The following SCLT1 variants were observed in gnomAD, a reference collection of about 807,000 sequenced individuals.
SCLT1 encodes the protein sodium channel and clathrin linker 1, also known as sodium channel-associated protein 1.
In SCLT1, 78 loss-of-function variants were observed where a neutral mutation model predicts 112.8. The observed-to-expected ratio is 0.69, with a 90% confidence interval of 0.58 to 0.83. The LOEUF is 0.83. SCLT1 is among the 40% of genes least tolerant of loss of function. The pLI is 0.00. For missense variants in SCLT1, 747 were observed against 770.4 expected (o/e 0.97, Z 0.36); for synonymous variants, 257 against 254.7 (o/e 1.01, Z -0.09).
At chr4:129,067,951 T>C (rs1392552889) in intron 2 of SCLT1, among the ~76,000 whole-genome samples, 1 of 152,046 alleles carries the variant, frequency 6.6e-6, no homozygotes, top group East Asian at 1.9e-4. Context: ...ACCCGAGCAG[T>C]ATACACTGCA....
intron 8 of SCLT1, among the ~76,000 whole-genome samples, chr4:128,992,717 G>A (rs763571013): frequency 1.3e-5 from 2 of 151,864 alleles, no homozygotes; most frequent in Non-Finnish European, 2.9e-5. Flanking sequence ...GCCCTTTATT[G>A]GCTGTCTTCT....
At chr4:129,046,389 T>C (rs1748184395) in intron 2 of SCLT1, among the ~76,000 whole-genome samples, 1 of 152,086 alleles carries the variant, frequency 6.6e-6, no homozygotes, top group South Asian at 2.1e-4. Context: ...CAGGAAATCA[T>C]TTTCCCTATT....
chr4:129,026,285 A>T (rs1420630286), intron 5 of SCLT1, among the ~76,000 whole-genome samples: 2 of 152,180 alleles, frequency 1.3e-5, no homozygotes, highest in African/African-American at 4.8e-5. Flanking sequence ...TCCAAAATTG[A>T]CCACATACTG....
chr4:128,927,970 A>T (rs766128652), intron 18 of SCLT1, among the ~76,000 whole-genome samples: 33 of 152,076 alleles, frequency 2.2e-4, no homozygotes, highest in Non-Finnish European at 4.6e-4. Context: ...TATGAAAAAC[A>T]TCCAAAAATA....
chr4:128,978,990 C>A (rs1161127613), intron 9 of SCLT1, among the ~76,000 whole-genome samples: 1 of 151,980 alleles, frequency 6.6e-6, no homozygotes, highest in Non-Finnish European at 1.5e-5. Flanking sequence ...GGTAAATAAT[C>A]CACTATTTAT....
intron 9 of SCLT1, among the ~76,000 whole-genome samples, chr4:128,972,866 TTCC>T (rs1220832918): frequency 6.6e-6 from 1 of 152,158 alleles, no homozygotes. Context: ...TTAACAATGA[TTCC>T]TGGATTCCAC....
intron 2 of SCLT1, among the ~76,000 whole-genome samples, chr4:129,074,796 G>A (rs1363020848): frequency 6.6e-6 from 1 of 152,090 alleles, no homozygotes; most frequent in African/African-American, 2.4e-5. Context: ...CGAATTTCTG[G>A]ACTCAAGAGA....
At chr4:129,032,142 T>C (rs1746779412) in intron 5 of SCLT1, among the ~76,000 whole-genome samples, 1 of 151,992 alleles carries the variant, frequency 6.6e-6, no homozygotes, top group Admixed American at 6.6e-5. Flanking sequence ...ATCAGATATA[T>C]ATAGACCAAT....
chr4:128,952,097 A>G (rs2126002532), intron 14 of SCLT1, among the ~76,000 whole-genome samples: 1 of 152,294 alleles, frequency 6.6e-6, no homozygotes, highest in Admixed American at 6.5e-5. Context: ...ATTTTCATGG[A>G]GAGAGACAGA....
In SCLT1 at chr4:129,090,531, C is replaced by G. The variant is rs779693389; in HGVS notation, c.34+2539G>C. Among the ~76,000 whole-genome samples, 10 of 152,226 alleles carry G rather than the reference C, an allele frequency of 6.6e-5. 1 individual carries two copies. The South Asian group carries it at 1.4e-3, about 22-fold the overall frequency. On this transcript the variant is annotated intron_variant, in intron 1 of 20. Coordinates refer to ENST00000281142, the MANE Select transcript of SCLT1 (RefSeq NM_144643.4). ...AAAATATAGAAGAAATCTTTGCAGC[C>G]TTGGGTTAGGCAATGATTTCTTTTA...
intron 9 of SCLT1, among the ~76,000 whole-genome samples, chr4:128,990,875 A>G (rs1742507482): frequency 6.6e-6 from 1 of 151,792 alleles, no homozygotes; most frequent in African/African-American, 2.4e-5. Context: ...AAAAAACCAA[A>G]GAAGTAAAAT....
intron 5 of SCLT1, among the ~76,000 whole-genome samples, chr4:129,021,502 C>T (rs186053008): frequency 7.2e-4 from 109 of 152,236 alleles, no homozygotes; most frequent in African/African-American, 2.2e-3. Flanking sequence ...AGCTTGGTTG[C>T]GGGAGGGGCA....
At chr4:128,963,963 C>G (rs563308924) in intron 11 of SCLT1, among the ~76,000 whole-genome samples, 1 of 152,178 alleles carries the variant, frequency 6.6e-6, no homozygotes, top group African/African-American at 2.4e-5. Context: ...GTCATCTTTT[C>G]AAGATGACTT....
intron 9 of SCLT1, chr4:128,971,721 A>G (rs184948087): frequency 5.9e-5 from 9 of 152,204 alleles, no homozygotes; most frequent in African/African-American, 1.9e-4. Flanking sequence ...ATTAACCAAG[A>G]TTATAAAAAA....
At chr4:128,986,456 AGT>A (rs1321805870) in intron 9 of SCLT1, among the ~76,000 whole-genome samples, 1 of 152,194 alleles carries the variant, frequency 6.6e-6, no homozygotes, top group African/African-American at 2.4e-5. Flanking sequence ...TCTCAGAGGC[AGT>A]GCACTTAGGG....
chr4:128,921,302 CT>C (rs1165594360), intron 18 of SCLT1, among the ~76,000 whole-genome samples: 1 of 152,032 alleles, frequency 6.6e-6, no homozygotes, highest in African/African-American at 2.4e-5. Flanking sequence ...ACCAAAAAAA[CT>C]ATTTAAAAAT....
intron 5 of SCLT1, among the ~76,000 whole-genome samples, chr4:129,017,484 A>G (rs546554274): frequency 6.6e-6 from 1 of 152,294 alleles, no homozygotes; most frequent in African/African-American, 2.4e-5. Flanking sequence ...TATTGGCAGT[A>G]TAATTAAGAA....
At chr4:129,040,142 G>C in intron 4 of SCLT1, 1 of 702,238 alleles carries the variant, frequency 1.4e-6, no homozygotes, top group Non-Finnish European at 2.6e-6. Context: ...CTTGGTCTAG[G>C]AGATCAGAAT....
intron 18 of SCLT1, among the ~76,000 whole-genome samples, chr4:128,892,959 G>A (rs972411855): frequency 2.6e-5 from 4 of 151,610 alleles, no homozygotes; most frequent in East Asian, 3.9e-4. Flanking sequence ...CCATCCCCCC[G>A]ACAACATAAG....
Sources: allele counts gnomAD v4.1 joint callset (sites outside exome capture counted in the v4.1 genomes callset), GRCh38; gene constraint gnomAD v4.1.1; transcripts MANE v1.5; gene names NCBI Gene and HGNC (gene_info 2026-07-23, HGNC 2026-07-21).